Variants in SARS2 observed in about 807,000 individuals in gnomAD.
The protein encoded by SARS2 is seryl-tRNA synthetase 2, mitochondrial, also known as serine--tRNA ligase, mitochondrial.
In SARS2, 52 loss-of-function variants were observed where a neutral mutation model predicts 66.8. That is an observed-to-expected ratio of 0.78 (90% confidence interval 0.62 to 0.98). SARS2 has a LOEUF of 0.98. SARS2 is among the 50% of genes least tolerant of loss of function. The probability of loss-of-function intolerance (pLI) is 0.00; values close to 1 mark genes in which losing one functional copy is unlikely to be tolerated. For synonymous variants in SARS2, 306 were observed against 281.4 expected (o/e 1.09, Z -0.87); for missense variants, 673 against 706.3 (o/e 0.95, Z 0.53).
chr19:38,923,273 G>C (rs1318745778), intron 2 of SARS2, among the ~76,000 whole-genome samples: 2 of 128,860 alleles, frequency 1.6e-5, no homozygotes, highest in African/African-American at 6.0e-5. Context: ...CCAGGCTGGA[G>C]TGCAGTGGGG....
chr19:38,921,922 C>A lies in SARS2; in HGVS notation c.394-255G>T, dbSNP rs763602047. On this transcript the variant is annotated intron_variant, in intron 3 of 15. Transcript: ENST00000221431. ...TGGCTCAGAGACAGGCACCTGATGT[C>A]AGCTGAACTCATGAGAATCAGCCCC... 6.7e-5 allele frequency: 101 copies of A among 1,499,340 alleles called. No individual in the cohort carries two copies. In the Admixed American group the frequency reaches 1.4e-3, roughly 21 times the overall value. 92.9% of individuals were successfully genotyped at this position (1,499,340 alleles called of 1,614,324 possible). A position where few individuals can be genotyped will look rare whatever the true frequency, so the allele number is the denominator to read the frequency against.
chr19:38,930,280 C>T, intron 1 of SARS2, 190 bp downstream of exon 1: 1 of 699,768 alleles, frequency 1.4e-6, no homozygotes, highest in Non-Finnish European at 2.3e-6. Context: ...GCATTCTTGG[C>T]ACATAGTAGG....
In SARS2 at chr19:38,918,416, C is replaced by A; in HGVS notation, c.916+6G>T. ...GCTCCTCCCCACCACCCACACAGGT[C>A]CTCACCTGCAAGCCCCACCTCCGCT... On this transcript the variant is annotated splice_donor_region_variant and intron_variant, in intron 9 of 15. Coordinates refer to ENST00000221431, the MANE Select transcript of SARS2 (RefSeq NM_017827.4). The A allele has an allele frequency of 6.2e-7, 1 of 1,610,764 alleles. No individual in the cohort carries two copies. Among genetic ancestry groups the A allele is most frequent in the Non-Finnish European group, 8.5e-7 (1 of 1,176,946 alleles).
rs749887734 is a variant in SARS2 at position 38,930,739 on chromosome 19, T to C, written c.-3A>G. On this transcript the variant is annotated 5_prime_UTR_variant, in exon 1 of 16. Transcript: ENST00000221431. The stretch of plus-strand genomic sequence containing the variant: ...CGCCGCGCCATGGACGCAGCCATCT[T>C]GGACCGGGAACAAGGCGGCACTTCG... 1.9e-6 allele frequency: 3 copies of C among 1,612,896 alleles called. No individual in the cohort carries two copies. The African/African-American group carries it at 4.0e-5, about 22-fold the overall frequency.
At chr19:38,929,195 T>A (rs1275666655) in intron 1 of SARS2, among the ~76,000 whole-genome samples, 1 of 150,612 alleles carries the variant, frequency 6.6e-6, no homozygotes, top group Non-Finnish European at 1.5e-5. Flanking sequence ...CAAAACTCCA[T>A]CTCAAAAAAA....
intron 7 of SARS2, 91 bp from the exon 8 acceptor site, chr19:38,918,904 C>T: frequency 7.6e-7 from 1 of 1,308,144 alleles, no homozygotes; most frequent in Non-Finnish European, 1.1e-6. Flanking sequence ...GAGCCCCTTC[C>T]TCCTCAGACG....
chr19:38,918,729 C>G, intron 8 of SARS2, 37 bp downstream of exon 8: 1 of 1,553,460 alleles, frequency 6.4e-7, no homozygotes, highest in Non-Finnish European at 8.7e-7. Context: ...GGGCCTGACA[C>G]CCAGGTGGGC....
At chr19:38,917,676 C>G in intron 12 of SARS2, 48 bp downstream of exon 12, 38 of 770,724 alleles carry the variant, frequency 4.9e-5, no homozygotes, top group East Asian at 9.5e-5. Flanking sequence ...CCTTGTCCCT[C>G]CCCTACCCCA....
intron 3 of SARS2, 89 bp downstream of exon 3, chr19:38,922,149 T>C: frequency 6.2e-7 from 1 of 1,602,626 alleles, no homozygotes; most frequent in South Asian, 1.1e-5. Context: ...GTTTGAGTTG[T>C]TTTCTGTTAC....
At chr19:38,917,513 T>C (rs1974437765) in intron 12 of SARS2, among the ~76,000 whole-genome samples, 1 of 152,232 alleles carries the variant, frequency 6.6e-6, no homozygotes, top group African/African-American at 2.4e-5. Flanking sequence ...CACCGTGCAC[T>C]GTTCGTGCTT....
intron 2 of SARS2, among the ~76,000 whole-genome samples, chr19:38,924,725 C>T (rs1240750841): frequency 6.6e-6 from 1 of 152,128 alleles, no homozygotes; most frequent in Admixed American, 6.6e-5. Context: ...CTAACTGCAG[C>T]CTCAAACTCT....
chr19:38,916,004 G>A, intron 14 of SARS2, 33 bp downstream of exon 14: 1 of 1,612,232 alleles, frequency 6.2e-7, no homozygotes, highest in South Asian at 1.1e-5. Context: ...CTGCGGGCGA[G>A]GGCACGCGGG....
intron 13 of SARS2, 41 bp from the exon 14 acceptor site, chr19:38,916,170 G>A: frequency 1.9e-6 from 3 of 1,612,196 alleles, no homozygotes; most frequent in Non-Finnish European, 2.5e-6. Flanking sequence ...TCAGGGATGG[G>A]GGGCAGGCCT....
At chr19:38,921,235 G>A (rs1426190418) in intron 5 of SARS2, among the ~76,000 whole-genome samples, 157 bp downstream of exon 5, 2 of 152,176 alleles carry the variant, frequency 1.3e-5, no homozygotes, top group East Asian at 3.8e-4. Flanking sequence ...GAGACAGCTC[G>A]AGCTCGGCCA....
At position 38,917,933 on chromosome 19, in the gene SARS2, GT is replaced by G; in HGVS notation, c.1037del (p.His346ProfsTer11). The G allele has an allele frequency of 6.2e-7, 1 of 1,611,628 alleles. No homozygotes were observed. The highest frequency in any genetic ancestry group is 8.5e-7 in the Non-Finnish European group (1 of 1,178,832). Reference protein sequence around the residue: ...GQEPRGLYRVHHFTKVEMFGV... With the variant: ...GQEPRGLYRVXHFTKVEMFGV... The stretch of plus-strand genomic sequence containing the variant: ...CAGCGACACCAGCCTTGGTGAAGTG[GT>G]GTACTCGATACAGCCCCCGGGGTTC... On this transcript the variant is annotated frameshift_variant, in exon 11 of 16. Coordinates refer to ENST00000221431, the MANE Select transcript of SARS2 (RefSeq NM_017827.4). LOFTEE classifies it high-confidence loss of function.
At position 38,917,746 on chromosome 19, in the gene SARS2, T is replaced by C. The variant is rs1443479120; in HGVS notation, c.1138A>G (p.Thr380Ala). The C allele has an allele frequency of 1.2e-6, 2 of 1,610,644 alleles. No individual in the cohort carries two copies. Among genetic ancestry groups the C allele is most frequent in the Non-Finnish European group, 1.7e-6 (2 of 1,178,058 alleles). The change falls in exon 12 of 16, where the codon ACA becomes GCA. Residue 380 changes from threonine to alanine, a missense_variant. By Grantham distance (58) the Thr-to-Ala change is moderately conservative (BLOSUM62 0). Coordinates refer to ENST00000221431, the MANE Select transcript of SARS2 (RefSeq NM_017827.4). ...CACCGGAAGTGCAAGCCCAGCTCTG[T>C]CAAGATCTCCATCTGAAGGGACAGG... ...EFLSLQMEILTELGLHFRVLD... is the reference protein window; with the variant it reads ...EFLSLQMEILAELGLHFRVLD...
chr19:38,915,686 G>A lies in SARS2; in HGVS notation c.1477C>T (p.Pro493Ser), dbSNP rs1463886050. The stretch of plus-strand genomic sequence containing the variant: ...ATGTACTGGAGAGGCACGTGGGTAG[G>A]GGCTGTGATCCGATCAGTGCCGAGG... Reference protein sequence around the residue: ...SYLGTDRITAPTHVPLQYIGP... With the variant: ...SYLGTDRITASTHVPLQYIGP... The change falls in exon 16 of 16, where the codon CCT becomes TCT. Residue 493 changes from proline (P) to serine (S), a missense_variant. By Grantham distance (74) the Pro-to-Ser change is moderately conservative. Coordinates refer to ENST00000221431, the MANE Select transcript of SARS2 (RefSeq NM_017827.4). 3.1e-6 allele frequency: 5 copies of A among 1,613,300 alleles called. No individual in the cohort carries two copies. Among genetic ancestry groups the A allele is most frequent in the Non-Finnish European group, 4.2e-6 (5 of 1,179,594 alleles).
At chr19:38,929,562 CAAAA>C (rs34985712) in intron 1 of SARS2, among the ~76,000 whole-genome samples, 1 of 113,950 alleles carries the variant, frequency 8.8e-6, no homozygotes, top group Admixed American at 8.5e-5. Flanking sequence ...CACCCTATCT[CAAAA>C]AAAAAAAAAA....
At position 38,917,933 on chromosome 19, in the gene SARS2, G is replaced by A. The variant is rs557561779; in HGVS notation, c.1038C>T (p.His346=). 2 of 1,611,628 alleles carry A rather than the reference G, an allele frequency of 1.2e-6. No individual in the cohort carries two copies. Among genetic ancestry groups the A allele is most frequent in the East Asian group, 4.5e-5 (2 of 44,778 alleles). Reference sequence around the variant, plus strand: ...CAGCGACACCAGCCTTGGTGAAGTGGTGTACTCGATACAGCCCCCGGGGTT... The same window carrying A: ...CAGCGACACCAGCCTTGGTGAAGTGATGTACTCGATACAGCCCCCGGGGTT... ...GQEPRGLYRV[H]HFTKVEMFGV... Residue 346 remains histidine, a synonymous_variant, in exon 11 of 16, where the codon CAC becomes CAT. Coordinates refer to ENST00000221431, the MANE Select transcript of SARS2 (RefSeq NM_017827.4).
Sources: allele counts gnomAD v4.1 joint callset (sites outside exome capture counted in the v4.1 genomes callset), GRCh38; gene constraint gnomAD v4.1.1; transcripts MANE v1.5; gene names NCBI Gene and HGNC (gene_info 2026-07-23, HGNC 2026-07-21).